Variants in ST13 observed in about 807,000 individuals in gnomAD.
ST13 encodes the protein ST13 Hsp70 interacting protein, also known as hsc70-interacting protein.
ST13 carries 23 observed loss-of-function variants against 56.7 expected under a neutral mutation model. The ratio of observed to expected loss-of-function variants is 0.41; its 90% confidence interval spans 0.29 to 0.57. The LOEUF (loss-of-function observed/expected upper bound fraction) is 0.57, where lower values mean the gene tolerates loss of function less well. Ranked by LOEUF, ST13 falls within the 20% of genes least tolerant of loss-of-function variation. ST13 has a pLI of 0.36. For missense variants in ST13, 369 were observed against 459.9 expected (o/e 0.80, Z 1.81); for synonymous variants, 132 against 142.4 (o/e 0.93, Z 0.52).
intron 9 of ST13, among the ~76,000 whole-genome samples, chr22:40,830,154 G>A (rs2057747584): frequency 6.6e-6 from 1 of 152,046 alleles, no homozygotes; most frequent in Non-Finnish European, 1.5e-5. Context: ...TAAAATTATT[G>A]AGGAGATATA....
intron 2 of ST13, among the ~76,000 whole-genome samples, chr22:40,850,309 C>G (rs1394125622): frequency 6.6e-6 from 1 of 152,100 alleles, no homozygotes; most frequent in East Asian, 1.9e-4. Flanking sequence ...CATGTATGTT[C>G]CCCTTCATCT....
At position 40,835,785 on chromosome 22, in the gene ST13, T is replaced by C; in HGVS notation, c.467+18A>G. The C allele has an allele frequency of 6.2e-7, 1 of 1,612,600 alleles. No homozygotes were observed. Among genetic ancestry groups the C allele is most frequent in the Non-Finnish European group, 8.5e-7 (1 of 1,178,744 alleles). On this transcript the variant is annotated intron_variant, in intron 6 of 11. Coordinates refer to ENST00000216218, the MANE Select transcript of ST13 (RefSeq NM_003932.5). Reference sequence around the variant, plus strand: ...GAAATTATTTGCCAGGGGATGCTTTTCTGTTTAGAGTTCTCACCTGGCCCT... The same window carrying C: ...GAAATTATTTGCCAGGGGATGCTTTCCTGTTTAGAGTTCTCACCTGGCCCT...
Position 40,856,635 on chromosome 22 carries a change from G to C in ST13, c.-95C>G, listed in dbSNP as rs540039417. 8 of 976,486 alleles carry C rather than the reference G, an allele frequency of 8.2e-6. No homozygotes were observed. The highest frequency in any genetic ancestry group is 6.4e-5 in the African/African-American group (4 of 62,706). The allele number at this position is 976,486 out of a possible 1,614,324, so 60.5% of individuals were successfully genotyped here. On this transcript the variant is annotated 5_prime_UTR_variant, in exon 1 of 12. Transcript: ENST00000216218. ...GACCGCGCAGAAGGGGGCGGCTGCCGCAAGACAGAACAGACTAGAACCTCC... is the reference window on the plus strand; with the variant it reads ...GACCGCGCAGAAGGGGGCGGCTGCCCCAAGACAGAACAGACTAGAACCTCC...
chr22:40,843,292 A>G (rs972083283), intron 4 of ST13, among the ~76,000 whole-genome samples: 3 of 152,148 alleles, frequency 2.0e-5, no homozygotes, highest in South Asian at 2.1e-4. Context: ...AACAAAGGGG[A>G]AAAAAACCAA....
intron 1 of ST13, among the ~76,000 whole-genome samples, chr22:40,852,028 C>A (rs1269512094): frequency 1.3e-5 from 2 of 152,342 alleles, no homozygotes; most frequent in East Asian, 1.9e-4. Context: ...CAGGCATGAA[C>A]CACTGCGCCC....
rs1391061189 is a variant in ST13, at chr22:40,825,165, G to C, written c.*1373C>G. 1.3e-5 allele frequency: 2 copies of C among 151,990 alleles called. No homozygotes were observed. The highest frequency in any genetic ancestry group is 6.6e-5 in the Admixed American group (1 of 15,248). 9.4% of individuals were successfully genotyped at this position (151,990 alleles called of 1,614,324 possible). ...AAATTTATCATTTTCTTTATCATTG[G>C]AGGGGAGGGAAAGAAAGCAAGCAGA... On this transcript the variant is annotated 3_prime_UTR_variant, in exon 12 of 12. Coordinates refer to ENST00000216218, the MANE Select transcript of ST13 (RefSeq NM_003932.5).
rs1217279933 is a variant in ST13, at chr22:40,835,595, T to C, written c.543A>G (p.Ser181=). The change falls in exon 7 of 12, where the codon TCA becomes TCG. Residue 181 remains serine, a synonymous_variant. Transcript: ENST00000216218. ...TCCCCCGCCACTTGTAAGGCTGAGCTGAATCAGGATTTATTTCAATGGCTC... is the reference window on the plus strand; with the variant it reads ...TCCCCCGCCACTTGTAAGGCTGAGCCGAATCAGGATTTATTTCAATGGCTC... ...CDRAIEINPD[S]AQPYKWRGKA... 22 of 1,612,966 alleles carry C rather than the reference T, an allele frequency of 1.4e-5. No individual in the cohort carries two copies. Among genetic ancestry groups the C allele is most frequent in the Non-Finnish European group, 1.9e-5 (22 of 1,180,006 alleles).
At chr22:40,854,730 T>C (rs2057880300) in intron 1 of ST13, 1 of 152,242 alleles carries the variant, frequency 6.6e-6, no homozygotes, top group African/African-American at 2.4e-5. Flanking sequence ...CCTGTGATAC[T>C]TGTCTACGTT....
intron 9 of ST13, among the ~76,000 whole-genome samples, chr22:40,830,483 A>G (rs2057748895): frequency 6.6e-6 from 1 of 152,166 alleles, no homozygotes; most frequent in Non-Finnish European, 1.5e-5. Context: ...ATAGCAACAC[A>G]TCCACTGTTG....
intron 3 of ST13, among the ~76,000 whole-genome samples, chr22:40,846,255 T>C (rs1301759007): frequency 6.6e-6 from 1 of 152,196 alleles, no homozygotes; most frequent in African/African-American, 2.4e-5. Context: ...CCTCATTTTA[T>C]TGTGTTTCAC....
chr22:40,825,452 T>C lies in ST13; in HGVS notation c.*1086A>G, dbSNP rs1055414847. ...CACCAAAGGGAATCCCTCTTTCCAATGTCTTCTGATAAGGCAAGATTTTGC... is the reference window on the plus strand; with the variant it reads ...CACCAAAGGGAATCCCTCTTTCCAACGTCTTCTGATAAGGCAAGATTTTGC... On this transcript the variant is annotated 3_prime_UTR_variant, in exon 12 of 12. Coordinates refer to ENST00000216218, the MANE Select transcript of ST13 (RefSeq NM_003932.5). 111 of 152,192 alleles carry C rather than the reference T, an allele frequency of 7.3e-4. No individual in the cohort carries two copies. The highest frequency in any genetic ancestry group is 2.5e-3 in the African/African-American group (102 of 41,452). The allele number at this position is 152,192 out of a possible 1,614,324, so 9.4% of individuals were successfully genotyped here.
chr22:40,835,825 T>C lies in ST13; in HGVS notation c.445A>G (p.Ile149Val), dbSNP rs752571188. Residue 149 changes from isoleucine (I) to valine (V), a missense_variant, in exon 6 of 12, where the codon ATT becomes GTT. This residue lies in a region of ST13 where 64 missense variants were observed against 125.1 expected (regional missense o/e 0.51). Transcript: ENST00000216218. The stretch of plus-strand genomic sequence containing the variant: ...CACCTGGCCCTCTTGGCATACAAAA[T>C]GGCCAAGCGAGGATTCAGCTTGATG... ...DAIKLNPRLA[I>V]LYAKRASVFV... 4 of 1,613,746 alleles carry C rather than the reference T, an allele frequency of 2.5e-6. No homozygotes were observed. The African/African-American group carries it at 5.3e-5, about 22-fold the overall frequency.
intron 5 of ST13, among the ~76,000 whole-genome samples, chr22:40,837,551 CAGG>C (rs1443588057): frequency 6.6e-6 from 1 of 152,182 alleles, no homozygotes; most frequent in Non-Finnish European, 1.5e-5. Flanking sequence ...GAATCTGAGG[CAGG>C]AGAATCGCTT....
chr22:40,844,556 C>G (rs753330610), intron 4 of ST13, among the ~76,000 whole-genome samples: 12 of 152,148 alleles, frequency 7.9e-5, no homozygotes, highest in Non-Finnish European at 1.5e-4. Flanking sequence ...GATATTCCAT[C>G]AAGAGCAACT....
chr22:40,846,982 G>A (rs940230477), intron 3 of ST13, among the ~76,000 whole-genome samples: 6 of 151,782 alleles, frequency 4.0e-5, no homozygotes, highest in Admixed American at 2.6e-4. Flanking sequence ...GTGGCAGAGC[G>A]AAACTCAAGT....
rs1179672306 is a variant in ST13 at position 40,825,289 on chromosome 22, T to C, written c.*1249A>G. 1 of 152,198 alleles carries C rather than the reference T, an allele frequency of 6.6e-6. No individual in the cohort carries two copies. 9.4% of individuals were successfully genotyped at this position (152,198 alleles called of 1,614,324 possible). A position where few individuals can be genotyped will look rare whatever the true frequency, so the allele number is the denominator to read the frequency against. The stretch of plus-strand genomic sequence containing the variant: ...CAATGAATAACTGTGGATTATCTCA[T>C]TTATAATTCACATTGGATAAAAAAA... On this transcript the variant is annotated 3_prime_UTR_variant, in exon 12 of 12. Transcript: ENST00000216218.
chr22:40,838,458 G>A (rs117407521), intron 5 of ST13, among the ~76,000 whole-genome samples: 2,615 of 152,106 alleles, frequency 0.017, 38 homozygotes, highest in Non-Finnish European at 0.025. Context: ...ACATATTGCC[G>A]AGACAGTAAA....
rs147954583 is a variant in ST13 at position 40,846,013 on chromosome 22, C to G, written c.245-1104G>C. 8.7e-3 allele frequency among the ~76,000 whole-genome samples: 1,328 copies of G among 152,160 alleles called. 17 individuals carry two copies. Among genetic ancestry groups the G allele is most frequent in the African/African-American group, 0.03 (1,260 of 41,510 alleles). ...GTGCAGTGGCGCAATCTTGGCTCAC[C>G]GTAACCTCTGCCTCCCAGGTTCAAG... On this transcript the variant is annotated intron_variant, in intron 3 of 11. Transcript: ENST00000216218.
At chr22:40,834,532 A>G (rs2057768622) in intron 7 of ST13, among the ~76,000 whole-genome samples, 2 of 152,212 alleles carry the variant, frequency 1.3e-5, no homozygotes, top group Non-Finnish European at 2.9e-5. Flanking sequence ...CACAATTTCA[A>G]GAATTTTTTC....
Sources: allele counts gnomAD v4.1 joint callset (sites outside exome capture counted in the v4.1 genomes callset), GRCh38; gene constraint gnomAD v4.1.1; regional missense constraint gnomAD v4.1.1; transcripts MANE v1.5; gene names NCBI Gene and HGNC (gene_info 2026-07-23, HGNC 2026-07-21).